MEA1: variants seen among roughly 807,000 people sequenced by gnomAD.
MEA1 encodes the protein male-enhanced antigen 1.
In MEA1, 22 loss-of-function variants were observed where a neutral mutation model predicts 21.4. The ratio of observed to expected loss-of-function variants is 1.03; its 90% confidence interval spans 0.73 to 1.47. The LOEUF is 1.47. Among genes scored for constraint, MEA1 ranks in the 40% most tolerant of loss-of-function variants. The probability of loss-of-function intolerance (pLI) is 0.00; values close to 1 mark genes in which losing one functional copy is unlikely to be tolerated. For synonymous variants in MEA1, 91 were observed against 85.5 expected (o/e 1.06, Z -0.35); for missense variants, 233 against 230.5 (o/e 1.01, Z -0.07).
Position 43,012,523 on chromosome 6 carries a change from C to T in MEA1, c.505G>A (p.Asp169Asn), listed in dbSNP as rs1406536882. ...GCTTGGAGGGCTTTCTGTACCACAT[C>T]TTCCCACTGGGCATCCGATATCTCC... ...AREISDAQWE[D>N]VVQKALQARQ... Residue 169 changes from aspartate (D) to asparagine (N), a missense_variant, in exon 4 of 4, where the codon GAT becomes AAT. Physicochemically the swap from Asp to Asn is conservative, Grantham distance 23. Coordinates refer to ENST00000244711, the MANE Select transcript of MEA1 (RefSeq NM_014623.4). 1 of 1,611,798 alleles carries T rather than the reference C, an allele frequency of 6.2e-7. No individual in the cohort carries two copies. The highest frequency in any genetic ancestry group is 1.7e-5 in the Admixed American group (1 of 59,348).
rs777047071 is a variant in MEA1, at chr6:43,013,019, G to GC, written c.312dup (p.Leu105AlafsTer11). On this transcript the variant is annotated frameshift_variant, in exon 3 of 4. Transcript: ENST00000244711. LOFTEE classifies it high-confidence loss of function. Reference sequence around the variant, plus strand: ...TCTAATGGTGGGTCTGGCAAATGAAGCCCCAGGGCCTGCAGAGCCACAGAA... The same window carrying GC: ...TCTAATGGTGGGTCTGGCAAATGAAGCCCCCAGGGCCTGCAGAGCCACAGAA... 6.2e-7 allele frequency: 1 copy of GC among 1,614,054 alleles called. No individual in the cohort carries two copies. The highest frequency in any genetic ancestry group is 1.3e-5 in the African/African-American group (1 of 74,914).
rs765238605 is a variant in MEA1 at position 43,013,819 on chromosome 6, C to T, written c.-6G>A. 46 of 1,606,126 alleles carry T rather than the reference C, an allele frequency of 2.9e-5. No homozygotes were observed. The highest frequency in any genetic ancestry group is 3.8e-5 in the Non-Finnish European group (45 of 1,177,278). Reference sequence around the variant, plus strand: ...AGATGCCTTTCAGGCCCCATGGGCTCCCCTCAAATGGCCCCAGCTGCAGCG... The same window carrying T: ...AGATGCCTTTCAGGCCCCATGGGCTTCCCTCAAATGGCCCCAGCTGCAGCG... On this transcript the variant is annotated 5_prime_UTR_variant, in exon 1 of 4. Transcript: ENST00000244711.
At chr6:43,015,328 C>G (rs926881204), upstream of MEA1, among the ~76,000 whole-genome samples, 1 of 152,120 alleles carries the variant, frequency 6.6e-6, no homozygotes, top group Non-Finnish European at 1.5e-5. Flanking sequence ...CAGCTGAAAG[C>G]CATGTCTCTT....
upstream of MEA1, chr6:43,014,133 C>G (rs1762495380): frequency 7.1e-7 from 1 of 1,416,568 alleles, no homozygotes; most frequent in Admixed American, 2.9e-5. Flanking sequence ...GCCCACTCCT[C>G]AGCCCTCTCG....
At chr6:43,014,113 CTA>C, upstream of MEA1, 1 of 1,417,724 alleles carries the variant, frequency 7.1e-7, no homozygotes, top group Non-Finnish European at 9.2e-7. Context: ...AGAATCTCTC[CTA>C]CGCCCCTGCC....
chr6:43,013,815 G>A lies in MEA1; in HGVS notation c.-2C>T. 6.2e-7 allele frequency: 1 copy of A among 1,607,622 alleles called. No individual in the cohort carries two copies. Among genetic ancestry groups the A allele is most frequent in the Non-Finnish European group, 8.5e-7 (1 of 1,177,784 alleles). ...TGACAGATGCCTTTCAGGCCCCATG[G>A]GCTCCCCTCAAATGGCCCCAGCTGC... On this transcript the variant is annotated 5_prime_UTR_variant, in exon 1 of 4. Transcript: ENST00000244711.
At chr6:43,014,270 G>A, upstream of MEA1, 1 of 833,516 alleles carries the variant, frequency 1.2e-6, no homozygotes, top group African/African-American at 1.7e-5. Context: ...TGGGGACTAA[G>A]GCGTCGGTTG....
At position 43,011,258 on chromosome 6, in the gene MEA1, T is replaced by A; in HGVS notation, c.*1212A>T. The A allele has an allele frequency of 6.2e-7, 1 of 1,613,950 alleles. No individual in the cohort carries two copies. Among genetic ancestry groups the A allele is most frequent in the African/African-American group, 1.3e-5 (1 of 74,992 alleles). ...GAGGCGCACAAGCGGGCGGAAGAGT[T>A]CCTAACTGCCAGCCAGGAGGCTCTC... On this transcript the variant is annotated 3_prime_UTR_variant, in exon 4 of 4. Coordinates refer to ENST00000244711, the MANE Select transcript of MEA1 (RefSeq NM_014623.4).
At position 43,013,209 on chromosome 6, in the gene MEA1, T is replaced by C. The variant is rs756169703; in HGVS notation, c.209A>G (p.Tyr70Cys). The C allele has an allele frequency of 5.5e-5, 89 of 1,614,034 alleles. No homozygotes were observed. Among genetic ancestry groups the C allele is most frequent in the Non-Finnish European group, 7.5e-5 (88 of 1,180,016 alleles). The change falls in exon 2 of 4, where the codon TAC becomes TGC. Residue 70 changes from tyrosine to cysteine, a missense_variant. By Grantham distance (194) the Tyr-to-Cys change is radical. Coordinates refer to ENST00000244711, the MANE Select transcript of MEA1 (RefSeq NM_014623.4). ...TTCAGGATCTTGGTTCAGGGGCTGG[T>C]AGGAGTAGCCAGCTGGGCCCGACCC... Reference protein sequence around the residue: ...ETGSGPAGYSYQPLNQDPEQE... With the variant: ...ETGSGPAGYSCQPLNQDPEQE...
In MEA1 at chr6:43,012,556, A is replaced by G; in HGVS notation, c.472T>C (p.Trp158Arg). Reference sequence around the variant, plus strand: ...TGGGCATCCGATATCTCCCGAGCCCAGGCAGGAACCCCTGGCGCAGGCAGG... The same window carrying G: ...TGGGCATCCGATATCTCCCGAGCCCGGGCAGGAACCCCTGGCGCAGGCAGG... ...VSLPAPGVPAWAREISDAQWE... is the reference protein window; with the variant it reads ...VSLPAPGVPARAREISDAQWE... The change falls in exon 4 of 4, where the codon TGG becomes CGG. Residue 158 changes from tryptophan (W) to arginine (R), a missense_variant. Transcript: ENST00000244711. 1 of 1,612,914 alleles carries G rather than the reference A, an allele frequency of 6.2e-7. No homozygotes were observed.
intron 1 of MEA1, 68 bp from the exon 2 acceptor site, chr6:43,013,457 T>C: frequency 6.5e-7 from 1 of 1,546,252 alleles, no homozygotes; most frequent in South Asian, 1.2e-5. Flanking sequence ...CCTCTCATCA[T>C]CTCCTTGTAG....
chr6:43,013,751 C>G lies in MEA1; in HGVS notation c.28+35G>C, dbSNP rs1291528292. ...CCCTAAACAGGTCGGCGTACCCGCCCCCTTCTCCCCTCTCCTAGAGGACCC... is the reference window on the plus strand; with the variant it reads ...CCCTAAACAGGTCGGCGTACCCGCCGCCTTCTCCCCTCTCCTAGAGGACCC... On this transcript the variant is annotated intron_variant, in intron 1 of 3. Coordinates refer to ENST00000244711, the MANE Select transcript of MEA1 (RefSeq NM_014623.4). The G allele has an allele frequency of 3.8e-6, 6 of 1,573,494 alleles. No homozygotes were observed. In the Admixed American group the frequency reaches 1.0e-4, roughly 27 times the overall value.
At chr6:43,016,091 G>A (rs1027914938), upstream of MEA1, among the ~76,000 whole-genome samples, 2 of 151,680 alleles carry the variant, frequency 1.3e-5, no homozygotes, top group African/African-American at 2.4e-5. Flanking sequence ...GCGCGCCACC[G>A]TGCCCAGCTA....
At chr6:43,014,276 G>C (rs375871235), upstream of MEA1, 14 of 813,580 alleles carry the variant, frequency 1.7e-5, no homozygotes, top group East Asian at 3.0e-4. Flanking sequence ...CTAAGGCGTC[G>C]GTTGGCGCGC....
upstream of MEA1, chr6:43,014,142 C>T: frequency 7.1e-7 from 1 of 1,414,882 alleles, no homozygotes; most frequent in Non-Finnish European, 9.2e-7. Flanking sequence ...TCAGCCCTCT[C>T]GTCCCTCAGG....
Position 43,013,349 on chromosome 6 carries a change from G to A in MEA1, c.69C>T (p.Thr23=). 1 of 1,614,068 alleles carries A rather than the reference G, an allele frequency of 6.2e-7. No individual in the cohort carries two copies. Among genetic ancestry groups the A allele is most frequent in the South Asian group, 1.1e-5 (1 of 91,078 alleles). ...RMATVVLGGD[T]MGPERIFPNQ... ...TGGGGAAGATACGCTCAGGGCCCATGGTGTCTCCTCCTAGAACTACTGTTG... is the reference window on the plus strand; with the variant it reads ...TGGGGAAGATACGCTCAGGGCCCATAGTGTCTCCTCCTAGAACTACTGTTG... The change falls in exon 2 of 4, where the codon ACC becomes ACT. Residue 23 remains threonine, a synonymous_variant. Transcript: ENST00000244711.
Position 43,011,294 on chromosome 6 carries a change from C to T in MEA1, c.*1176G>A, listed in dbSNP as rs965097161. 2.2e-5 allele frequency: 35 copies of T among 1,613,626 alleles called. No homozygotes were observed. The highest frequency in any genetic ancestry group is 6.7e-5 in the East Asian group (3 of 44,868). ...AGCCAGGAGGCTCTCTGACCCCTCA[C>T]GTTCCTACCACAGGGCCACAGCCCA... is the stretch of plus-strand genomic sequence containing the variant. On this transcript the variant is annotated 3_prime_UTR_variant, in exon 4 of 4. Transcript: ENST00000244711.
At chr6:43,013,419 G>A (rs1193376874) in intron 1 of MEA1, 30 bp from the exon 2 acceptor site, 4 of 1,604,430 alleles carry the variant, frequency 2.5e-6, no homozygotes, top group Admixed American at 1.7e-5. Flanking sequence ...GTAGGACAGG[G>A]ATCGGATGAA....
chr6:43,015,125 G>A (rs527949423), upstream of MEA1, among the ~76,000 whole-genome samples: 23 of 152,260 alleles, frequency 1.5e-4, no homozygotes, highest in Middle Eastern at 0.014. Context: ...TATAAGGGAG[G>A]ATGGAAGACT....
Sources: allele counts gnomAD v4.1 joint callset (sites outside exome capture counted in the v4.1 genomes callset), GRCh38; gene constraint gnomAD v4.1.1; transcripts MANE v1.5; gene names NCBI Gene and HGNC (gene_info 2026-07-23, HGNC 2026-07-21).